WDR3: variants seen among roughly 807,000 people sequenced by gnomAD.
WDR3 encodes the protein WD repeat domain 3.
Under a neutral mutation model 123.7 loss-of-function variants are expected in WDR3, and 81 were observed. The ratio of observed to expected loss-of-function variants is 0.65; its 90% CI spans 0.55 to 0.79. The LOEUF (loss-of-function observed/expected upper bound fraction) is 0.79. Among genes scored for constraint, WDR3 ranks in the 30% least tolerant of loss-of-function variants. The pLI, the probability that WDR3 is intolerant of heterozygous loss-of-function variation, is 0.00. For missense variants in WDR3, 1,027 were observed against 1,123.2 expected (o/e 0.91, Z 1.22); for synonymous variants, 390 against 388.8 (o/e 1.00, Z -0.04).
At chr1:117,952,684 A>G in intron 19 of WDR3, 22 bp downstream of exon 19, 12 of 1,609,926 alleles carry the variant, frequency 7.5e-6, no homozygotes, top group Non-Finnish European at 1.0e-5. Context: ...AGGCTTGGTT[A>G]CAAATATGCC....
rs746379433 is a variant in WDR3, at chr1:117,939,469, T to C, written c.580-8T>C. ...ATCGTATTACTCAAATCTTTTTATA[T>C]TCTATAGGTATGGGGGTTGGTTCTG... On this transcript the variant is annotated splice_region_variant and splice_polypyrimidine_tract_variant and intron_variant, in intron 5 of 26. Transcript: ENST00000349139. 6.2e-7 allele frequency: 1 copy of C among 1,613,316 alleles called. No individual in the cohort carries two copies. Among genetic ancestry groups the C allele is most frequent in the Non-Finnish European group, 8.5e-7 (1 of 1,179,328 alleles).
chr1:117,944,536 T>G (rs566517998), intron 11 of WDR3, among the ~76,000 whole-genome samples: 4 of 152,356 alleles, frequency 2.6e-5, no homozygotes, highest in African/African-American at 9.6e-5. Context: ...ACCACTTGGA[T>G]GTCTAATTAA....
rs746227295 is a variant in WDR3 at position 117,938,533 on chromosome 1, A to G, written c.554A>G (p.Lys185Arg). 1.9e-6 allele frequency: 3 copies of G among 1,613,412 alleles called. No homozygotes were observed. Among genetic ancestry groups the G allele is most frequent in the Non-Finnish European group, 2.5e-6 (3 of 1,179,450 alleles). The change falls in exon 5 of 27, where the codon AAA becomes AGA. Residue 185 changes from lysine to arginine, a missense_variant. Coordinates refer to ENST00000349139, the MANE Select transcript of WDR3 (RefSeq NM_006784.3). ...GACCTTGATACTCAGCACTGCTTTA[A>G]AACAATGGTTGGCCACCGGACTGAG... ...WWDLDTQHCF[K>R]TMVGHRTEVW... is the part of the protein sequence containing the mutation.
chr1:117,946,248 GTTC>G (rs892348697), intron 12 of WDR3, 69 bp downstream of exon 12: 19 of 1,301,762 alleles, frequency 1.5e-5, no homozygotes, highest in Admixed American at 1.3e-4. Context: ...AAGAAATCTG[GTTC>G]TTCTTTTTAG....
At position 117,961,642 on chromosome 1, in the gene WDR3, T is replaced by A. The variant is rs6685906; in HGVS notation, c.*2195T>A. ...GCCACCATTTTCTTCTAGGCTCAGA[T>A]ATGCAGTCCTTGTGGCTTGCCGATT... On this transcript the variant is annotated 3_prime_UTR_variant, in exon 27 of 27. Coordinates refer to ENST00000349139, the MANE Select transcript of WDR3 (RefSeq NM_006784.3). 6.6e-6 allele frequency: 1 copy of A among 151,984 alleles called. No homozygotes were observed. The highest frequency in any genetic ancestry group is 2.4e-5 in the African/African-American group (1 of 41,346). The allele number at this position is 151,984 out of a possible 1,614,324, so 9.4% of individuals were successfully genotyped here. A position where few individuals can be genotyped will look rare whatever the true frequency, so the allele number is the denominator to read the frequency against.
intron 15 of WDR3, 56 bp from the exon 16 acceptor site, chr1:117,950,778 A>G (rs907288798): frequency 9.2e-6 from 13 of 1,414,058 alleles, no homozygotes; most frequent in Admixed American, 5.6e-5. Flanking sequence ...CCTACATGTA[A>G]TAAATTATAC....
chr1:117,932,012 G>A (rs181659564), intron 1 of WDR3, among the ~76,000 whole-genome samples: 1 of 152,220 alleles, frequency 6.6e-6, no homozygotes, highest in Non-Finnish European at 1.5e-5. Flanking sequence ...AAAAGAAACA[G>A]CTCCTCATAA....
chr1:117,948,337 G>T, intron 12 of WDR3, 68 bp from the exon 13 acceptor site: 1 of 1,361,990 alleles, frequency 7.3e-7, no homozygotes. Flanking sequence ...TTTCTAAATT[G>T]TGCAGTCATG....
chr1:117,950,148 G>A lies in WDR3; in HGVS notation c.1746+18G>A, dbSNP rs1261889382. On this transcript the variant is annotated intron_variant, in intron 15 of 26. Transcript: ENST00000349139. ...CTTTAAAGGTACAGTGGTTATGCCT[G>A]CGGATATTTTCCCTTTCTGACTGAC... 3 of 1,611,494 alleles carry A rather than the reference G, an allele frequency of 1.9e-6. No homozygotes were observed. Among genetic ancestry groups the A allele is most frequent in the East Asian group, 2.2e-5 (1 of 44,836 alleles).
At chr1:117,942,604 T>G (rs1651210615) in intron 10 of WDR3, 60 bp downstream of exon 10, 3 of 1,447,810 alleles carry the variant, frequency 2.1e-6, no homozygotes, top group Non-Finnish European at 2.9e-6. Flanking sequence ...TATTATTGGC[T>G]TTTTCATGCT....
At chr1:117,954,219 C>A in intron 22 of WDR3, 120 bp downstream of exon 22, 1 of 824,100 alleles carries the variant, frequency 1.2e-6, no homozygotes, top group Non-Finnish European at 1.9e-6. Context: ...AGAATCTTTC[C>A]AACTCACTAT....
chr1:117,952,394 A>G lies in WDR3; in HGVS notation c.2002A>G (p.Ile668Val), dbSNP rs371679891. ...KQWDADKFEH[I>V]QTLEGHHQEI... Reference sequence around the variant, plus strand: ...GTGGGATGCAGACAAATTTGAACACATACAGACTCTGGAGGTAACCACATG... The same window carrying G: ...GTGGGATGCAGACAAATTTGAACACGTACAGACTCTGGAGGTAACCACATG... The change falls in exon 18 of 27, where the codon ATA becomes GTA. Residue 668 changes from isoleucine (I) to valine (V), a missense_variant. Coordinates refer to ENST00000349139, the MANE Select transcript of WDR3 (RefSeq NM_006784.3). 4.5e-5 allele frequency: 72 copies of G among 1,612,612 alleles called. No individual in the cohort carries two copies. Among genetic ancestry groups the G allele is most frequent in the Non-Finnish European group, 6.0e-5 (71 of 1,179,354 alleles).
intron 26 of WDR3, 39 bp downstream of exon 26, chr1:117,959,042 T>C: frequency 6.3e-7 from 1 of 1,582,246 alleles, no homozygotes; most frequent in Non-Finnish European, 8.7e-7. Context: ...ATGAGGCAAA[T>C]TCCTAGTGTG....
intron 11 of WDR3, among the ~76,000 whole-genome samples, chr1:117,945,124 A>G (rs1286867401): frequency 1.3e-5 from 2 of 152,050 alleles, no homozygotes; most frequent in Non-Finnish European, 2.9e-5. Flanking sequence ...AACCACTGTC[A>G]TCTCTCATCT....
rs368449036 is a variant in WDR3 at position 117,951,944 on chromosome 1, T to C, written c.1804-32T>C. On this transcript the variant is annotated intron_variant, in intron 16 of 26. Coordinates refer to ENST00000349139, the MANE Select transcript of WDR3 (RefSeq NM_006784.3). Reference sequence around the variant, plus strand: ...TTTATTCATATACGGAATTCAAAAATCAAGGTAGTGTTTTACTTTTATTTC... The same window carrying C: ...TTTATTCATATACGGAATTCAAAAACCAAGGTAGTGTTTTACTTTTATTTC... 4.9e-5 allele frequency: 77 copies of C among 1,581,726 alleles called. No individual in the cohort carries two copies. In the African/African-American group the frequency reaches 8.6e-4, roughly 18 times the overall value.
intron 24 of WDR3, 108 bp from the exon 25 acceptor site, chr1:117,956,960 C>A: frequency 1.0e-6 from 1 of 962,808 alleles, no homozygotes; most frequent in Admixed American, 2.9e-5. Context: ...CAAGATGTAT[C>A]CAAGTATAAA....
rs1419938677 is a variant in WDR3 at position 117,952,630 on chromosome 1, G to T, written c.2119G>T (p.Glu707Ter). The change falls in exon 19 of 27, where the codon GAG (glutamate) becomes TAG (stop). Residue 707 changes from glutamate to a stop codon, truncating the protein, a stop_gained. Coordinates refer to ENST00000349139, the MANE Select transcript of WDR3 (RefSeq NM_006784.3). LOFTEE classifies it high-confidence loss of function. Reference protein sequence around the residue: ...KSLRLWERTREPLILEEEREM... With the variant: ...KSLRLWERTR The stretch of plus-strand genomic sequence containing the variant: ...TCTGAGACTTTGGGAGAGAACAAGG[G>T]AGCCTCTTATTCTTGAGGAAGAAAG... The T allele has an allele frequency of 6.2e-7, 1 of 1,613,422 alleles. No homozygotes were observed. The highest frequency in any genetic ancestry group is 1.7e-5 in the Admixed American group (1 of 59,976).
chr1:117,963,603 AT>A lies in WDR3; in HGVS notation c.*4157del, dbSNP rs1653407644. 2 of 382,268 alleles carry A rather than the reference AT, an allele frequency of 5.2e-6. No homozygotes were observed. The highest frequency in any genetic ancestry group is 9.6e-6 in the Non-Finnish European group (2 of 207,268). The allele number at this position is 382,268 out of a possible 1,614,324, so 23.7% of individuals were successfully genotyped here. The stretch of plus-strand genomic sequence containing the variant: ...ATGGTCTCGATCTCCTGACCTTGTG[AT>A]CCACCCACCTCGGCCTCCCAAAGTG... On this transcript the variant is annotated 3_prime_UTR_variant, in exon 27 of 27. Transcript: ENST00000349139.
intron 4 of WDR3, among the ~76,000 whole-genome samples, chr1:117,937,674 A>G (rs986189410): frequency 6.6e-6 from 1 of 152,184 alleles, no homozygotes; most frequent in African/African-American, 2.4e-5. Flanking sequence ...GTTATATGGG[A>G]CGGACTTTGT....
Sources: allele counts gnomAD v4.1 joint callset (sites outside exome capture counted in the v4.1 genomes callset), GRCh38; gene constraint gnomAD v4.1.1; transcripts MANE v1.5; gene names NCBI Gene and HGNC (gene_info 2026-07-23, HGNC 2026-07-21).